ARHGEF3: variants seen among roughly 807,000 people sequenced by gnomAD.
ARHGEF3 encodes Rho guanine nucleotide exchange factor 3, also known as 59.8 kDA protein.
In ARHGEF3, 28 loss-of-function variants were observed where a neutral mutation model predicts 63.2. The observed-to-expected ratio is 0.44, with a 90% CI of 0.33 to 0.61. The LOEUF is 0.61. Among genes scored for constraint, ARHGEF3 ranks in the 20% least tolerant of loss-of-function variants. The pLI is 0.03. For missense variants in ARHGEF3, 533 were observed against 659.3 expected, an observed-to-expected ratio of 0.81 and a Z score of 2.10; for synonymous variants, 266 against 254.2, an observed-to-expected ratio of 1.05 and a Z score of -0.44.
intron 4 of ARHGEF3, among the ~76,000 whole-genome samples, chr3:56,834,668 T>C (rs1356815912): frequency 6.7e-6 from 1 of 150,036 alleles, no homozygotes; most frequent in Non-Finnish European, 1.5e-5. Context: ...GCAGGAGAGC[T>C]GCTTGAACCC....
chr3:56,796,747 A>G (rs1387566763), intron 1 of ARHGEF3, among the ~76,000 whole-genome samples: 1 of 152,216 alleles, frequency 6.6e-6, no homozygotes, highest in Non-Finnish European at 1.5e-5. Flanking sequence ...TACAGACTTC[A>G]GGGTCAACTG....
intron 2 of ARHGEF3, among the ~76,000 whole-genome samples, chr3:57,025,732 A>T (rs1703444948): frequency 6.6e-6 from 1 of 152,100 alleles, no homozygotes; most frequent in African/African-American, 2.4e-5. Flanking sequence ...CCTATGCCAG[A>T]CTGCAAAGTC....
chr3:57,056,753 C>A (rs1485439420), intron 1 of ARHGEF3, among the ~76,000 whole-genome samples: 2 of 152,030 alleles, frequency 1.3e-5, no homozygotes, highest in South Asian at 2.1e-4. Context: ...TCTCAAACTC[C>A]CGGTCTCTGT....
chr3:56,858,950 A>G (rs1308792511), intron 4 of ARHGEF3, among the ~76,000 whole-genome samples: 1 of 152,150 alleles, frequency 6.6e-6, no homozygotes, highest in East Asian at 1.9e-4. Context: ...GCTGAACCCT[A>G]TGGACCTCTG....
chr3:56,928,389 G>T (rs992788716), intron 3 of ARHGEF3, among the ~76,000 whole-genome samples: 2 of 152,050 alleles, frequency 1.3e-5, no homozygotes, highest in African/African-American at 4.8e-5. Flanking sequence ...CACACATCTG[G>T]GTCCGTTCTG....
intron 1 of ARHGEF3, among the ~76,000 whole-genome samples, chr3:56,786,894 G>C (rs966036215): frequency 7.2e-6 from 1 of 139,068 alleles, no homozygotes; most frequent in African/African-American, 2.5e-5. Context: ...TTTGGTTGTT[G>C]GGTTTTGTTA....
chr3:56,833,643 G>A (rs1003722665), intron 4 of ARHGEF3, among the ~76,000 whole-genome samples: 1 of 152,088 alleles, frequency 6.6e-6, no homozygotes, highest in Non-Finnish European at 1.5e-5. Context: ...GTTACAAAAT[G>A]TGTCGCACTT....
intron 1 of ARHGEF3, chr3:57,073,928 A>C (rs140586852): frequency 1.9e-5 from 31 of 1,614,054 alleles, no homozygotes; most frequent in Non-Finnish European, 2.5e-5. Context: ...ATGTGTGCCA[A>C]AGTGAGACCT....
intron 1 of ARHGEF3, among the ~76,000 whole-genome samples, chr3:57,077,948 C>CA (rs1706290905): frequency 6.6e-6 from 1 of 152,136 alleles, no homozygotes. Context: ...CCACCAGCTC[C>CA]TTACCAGAAT....
At chr3:57,073,703 T>C (rs764274275) in intron 1 of ARHGEF3, 7 of 1,613,510 alleles carry the variant, frequency 4.3e-6, no homozygotes, top group Non-Finnish European at 5.1e-6. Flanking sequence ...CCATGTCCAG[T>C]TCTGCTCTGA....
At chr3:56,741,061 T>G (rs1250140886) in intron 7 of ARHGEF3, among the ~76,000 whole-genome samples, 3 of 152,238 alleles carry the variant, frequency 2.0e-5, no homozygotes, top group Admixed American at 6.5e-5. Context: ...AGTGTTCTCA[T>G]TCCATGTTCT....
intron 1 of ARHGEF3, among the ~76,000 whole-genome samples, chr3:56,793,007 TA>T (rs1440172560): frequency 1.3e-5 from 2 of 151,618 alleles, no homozygotes; most frequent in Non-Finnish European, 1.5e-5. Flanking sequence ...TTTTTTTTTT[TA>T]TTTTTATTTT....
chr3:57,078,918 C>T (rs1291489279), intron 1 of ARHGEF3: 2 of 274,790 alleles, frequency 7.3e-6, no homozygotes, highest in East Asian at 5.9e-5. Context: ...AGTCAGGGTC[C>T]CCAGCAGGAG....
intron 2 of ARHGEF3, among the ~76,000 whole-genome samples, chr3:57,023,657 G>C (rs561852346): frequency 1.3e-5 from 2 of 152,310 alleles, no homozygotes; most frequent in South Asian, 2.1e-4. Context: ...CTGAGATGCT[G>C]TCTTTGCTTC....
At chr3:56,882,984 A>G (rs1206790128) in intron 3 of ARHGEF3, among the ~76,000 whole-genome samples, 1 of 152,240 alleles carries the variant, frequency 6.6e-6, no homozygotes, top group Non-Finnish European at 1.5e-5. Context: ...ATTTAGATAC[A>G]AAGTTCAGAT....
At chr3:57,003,940 T>C (rs1341825631) in intron 2 of ARHGEF3, among the ~76,000 whole-genome samples, 3 of 152,202 alleles carry the variant, frequency 2.0e-5, no homozygotes. Context: ...TCTCCAGAAC[T>C]GTAAAATGAT....
intron 2 of ARHGEF3, among the ~76,000 whole-genome samples, chr3:56,772,781 CCCTTTA>C (rs2107836884): frequency 6.6e-6 from 1 of 152,268 alleles, no homozygotes; most frequent in Non-Finnish European, 1.5e-5. Flanking sequence ...TTATGCTATG[CCCTTTA>C]AATGCACTGT....
intron 4 of ARHGEF3, among the ~76,000 whole-genome samples, chr3:56,877,405 T>C (rs2040622276): frequency 6.6e-6 from 1 of 150,886 alleles, no homozygotes; most frequent in African/African-American, 2.4e-5. Flanking sequence ...GATAGGGTCT[T>C]ACTCTGTCAC....
intron 2 of ARHGEF3, among the ~76,000 whole-genome samples, chr3:56,961,832 C>T (rs916974608): frequency 2.0e-5 from 3 of 152,122 alleles, no homozygotes; most frequent in Non-Finnish European, 4.4e-5. Flanking sequence ...CACTTGAAGG[C>T]AAGAGTTCAA....
Sources: allele counts gnomAD v4.1 joint callset (sites outside exome capture counted in the v4.1 genomes callset), GRCh38; gene constraint gnomAD v4.1.1; transcripts MANE v1.5; gene names NCBI Gene and HGNC (gene_info 2026-07-23, HGNC 2026-07-21).